Variants in APBA2 observed in about 807,000 individuals in gnomAD.
APBA2 encodes the protein amyloid beta precursor protein binding family A member 2.
In APBA2, 30 loss-of-function variants were observed where a neutral mutation model predicts 75.0. The observed-to-expected ratio is 0.40, with a 90% CI of 0.30 to 0.54. APBA2 has a LOEUF of 0.54. APBA2 is among the 20% of genes least tolerant of loss of function. The pLI is 0.49. For synonymous variants in APBA2, 444 were observed against 409.6 expected, an observed-to-expected ratio of 1.08 and a Z score of -1.01; for missense variants, 801 against 1,016.1, an observed-to-expected ratio of 0.79 and a Z score of 2.88.
At chr15:28,913,632 G>A (rs935266274) in intron 1 of APBA2, among the ~76,000 whole-genome samples, 2 of 152,188 alleles carry the variant, frequency 1.3e-5, no homozygotes, top group African/African-American at 2.4e-5. Context: ...AATCCTTGGC[G>A]GTGCCCCAGG....
chr15:29,034,420 G>A (rs754130238), intron 3 of APBA2, among the ~76,000 whole-genome samples: 3 of 152,130 alleles, frequency 2.0e-5, no homozygotes, highest in Non-Finnish European at 4.4e-5. Flanking sequence ...GGATGTAGAG[G>A]CTCCCTCCAA....
At chr15:29,037,234 TCA>T (rs1189162092) in intron 3 of APBA2, among the ~76,000 whole-genome samples, 1 of 152,150 alleles carries the variant, frequency 6.6e-6, no homozygotes, top group East Asian at 1.9e-4. Context: ...CATTTGAATT[TCA>T]TGTTTACCCT....
chr15:29,072,023 C>T (rs1031221357), intron 4 of APBA2, among the ~76,000 whole-genome samples: 4 of 152,132 alleles, frequency 2.6e-5, no homozygotes, highest in Non-Finnish European at 5.9e-5. Flanking sequence ...TGGCCCAGCC[C>T]TAACCCGTGG....
chr15:29,060,503 A>G (rs971656416), intron 4 of APBA2, among the ~76,000 whole-genome samples: 1 of 152,076 alleles, frequency 6.6e-6, no homozygotes, highest in African/African-American at 2.4e-5. Context: ...GTGTGGGGGA[A>G]CTGTGCAGTG....
intron 3 of APBA2, among the ~76,000 whole-genome samples, chr15:28,997,395 T>C (rs2038586844): frequency 1.3e-5 from 2 of 152,234 alleles, no homozygotes; most frequent in Admixed American, 6.5e-5. Flanking sequence ...CAACAGGCCT[T>C]TTCTGCTCTA....
At chr15:28,921,057 A>G (rs796325128) in intron 1 of APBA2, among the ~76,000 whole-genome samples, 2 of 152,246 alleles carry the variant, frequency 1.3e-5, no homozygotes, top group South Asian at 4.1e-4. Flanking sequence ...CGTGGGCACC[A>G]TCACCCTTTC....
At chr15:28,894,846 C>T (rs943324528) in intron 1 of APBA2, among the ~76,000 whole-genome samples, 9 of 61,446 alleles carry the variant, frequency 1.5e-4, no homozygotes, top group East Asian at 3.8e-4. Flanking sequence ...GGGGAGGGTG[C>T]GGGGAGGTGC....
At chr15:29,111,151 C>T (rs748229154) in intron 13 of APBA2, among the ~76,000 whole-genome samples, 1 of 151,996 alleles carries the variant, frequency 6.6e-6, no homozygotes, top group African/African-American at 2.4e-5. Context: ...GTGCCACCCA[C>T]GGCTCGGTGT....
chr15:29,015,873 G>A (rs2039634041), intron 3 of APBA2, among the ~76,000 whole-genome samples: 1 of 152,186 alleles, frequency 6.6e-6, no homozygotes, highest in African/African-American at 2.4e-5. Context: ...GCAGTGCTGG[G>A]CCTTGGTTTT....
At chr15:29,059,338 G>T (rs553838430) in intron 4 of APBA2, among the ~76,000 whole-genome samples, 29 of 152,264 alleles carry the variant, frequency 1.9e-4, no homozygotes, top group Non-Finnish European at 3.4e-4. Context: ...TTCCTTCAGG[G>T]CTGAGCGACA....
Position 29,071,663 on chromosome 15 carries a change from C to A in APBA2, c.952-3258C>A, listed in dbSNP as rs529902548. ...TGTGTGAATTTCAGATGCTGCCAGC[C>A]CCCCAACCCCGCCACCCCTGAGATG... On this transcript the variant is annotated intron_variant, in intron 4 of 14. Coordinates refer to ENST00000683413, the MANE Select transcript of APBA2 (RefSeq NM_001353788.2). 7.4e-5 allele frequency among the ~76,000 whole-genome samples: 11 copies of A among 148,716 alleles called. No individual in the cohort carries two copies. In the East Asian group the frequency reaches 2.2e-3, roughly 30 times the overall value.
At chr15:29,037,337 G>A (rs1217949127) in intron 3 of APBA2, among the ~76,000 whole-genome samples, 1 of 152,170 alleles carries the variant, frequency 6.6e-6, no homozygotes, top group Admixed American at 6.5e-5. Context: ...TATGGACTGG[G>A]TGGGTGTGTA....
intron 6 of APBA2, among the ~76,000 whole-genome samples, chr15:29,088,630 G>C (rs2043404918): frequency 6.6e-6 from 1 of 152,164 alleles, no homozygotes; most frequent in African/African-American, 2.4e-5. Context: ...CCACTCATGT[G>C]CTGGGATGGC....
At chr15:29,093,502 C>T (rs1257007245) in intron 7 of APBA2, among the ~76,000 whole-genome samples, 1 of 152,244 alleles carries the variant, frequency 6.6e-6, no homozygotes, top group African/African-American at 2.4e-5. Flanking sequence ...AGTCATCAAA[C>T]AATCCCAAAT....
At chr15:29,010,852 A>T (rs1566903865) in intron 3 of APBA2, among the ~76,000 whole-genome samples, 1 of 152,220 alleles carries the variant, frequency 6.6e-6, no homozygotes, top group Non-Finnish European at 1.5e-5. Context: ...ATTTTTAAAA[A>T]TTGTAGTAAA....
intron 2 of APBA2, among the ~76,000 whole-genome samples, chr15:28,962,404 T>G (rs2036523758): frequency 6.6e-6 from 1 of 152,030 alleles, no homozygotes; most frequent in African/African-American, 2.4e-5. Flanking sequence ...ACCCCATCTC[T>G]ACTAAAAATA....
chr15:29,115,871 C>T (rs1350787931), intron 14 of APBA2, among the ~76,000 whole-genome samples: 1 of 152,128 alleles, frequency 6.6e-6, no homozygotes, highest in African/African-American at 2.4e-5. Context: ...CAGCCCAGGG[C>T]CCGAGACCTG....
chr15:29,015,268 G>A (rs2039601236), intron 3 of APBA2, among the ~76,000 whole-genome samples: 1 of 152,206 alleles, frequency 6.6e-6, no homozygotes, highest in Non-Finnish European at 1.5e-5. Context: ...CAGAGTGGAT[G>A]TTGTCCAGGG....
chr15:29,060,234 G>A (rs1220670600), intron 4 of APBA2, among the ~76,000 whole-genome samples: 1 of 152,184 alleles, frequency 6.6e-6, no homozygotes, highest in Non-Finnish European at 1.5e-5. Context: ...TGTTGGCGGT[G>A]ACTGCCAGCA....
Sources: gnomAD v4.1 joint callset for allele counts (sites outside exome capture counted in the v4.1 genomes callset) on GRCh38, gnomAD v4.1.1 for gene constraint, MANE v1.5 for transcripts, NCBI Gene and HGNC (gene_info 2026-07-23, HGNC 2026-07-21) for gene names.